The following OGG1 variants were observed in gnomAD, a reference collection of about 807,000 sequenced individuals.
The protein encoded by OGG1 is 8-oxoguanine DNA glycosylase.
OGG1 carries 35 observed loss-of-function variants against 42.3 expected under a neutral mutation model. The ratio of observed to expected loss-of-function variants is 0.83; its 90% CI spans 0.63 to 1.10. OGG1 has a LOEUF of 1.10. Among genes scored for constraint, OGG1 ranks in the 50% least tolerant of loss-of-function variants. OGG1 has a pLI of 0.00. For missense variants in OGG1, 484 were observed against 446.7 expected (o/e 1.08, Z -0.75); for synonymous variants, 189 against 179.0 (o/e 1.06, Z -0.44).
At chr3:9,760,086 CA>C, downstream of OGG1, 14 of 220,290 alleles carry the variant, frequency 6.4e-5, no homozygotes, top group South Asian at 2.0e-4. Context: ...ACTAAAAATA[CA>C]AAAAAAATTA....
At chr3:9,783,858 G>A in intron 3 of OGG1, 1 of 1,207,300 alleles carries the variant, frequency 8.3e-7, no homozygotes, top group South Asian at 1.8e-5. Context: ...ATCAGAATTT[G>A]TTTGGGACAT....
intron 3 of OGG1, among the ~76,000 whole-genome samples, chr3:9,782,807 G>C (rs919847138): frequency 1.6e-5 from 2 of 127,910 alleles, no homozygotes; most frequent in Non-Finnish European, 3.5e-5. Context: ...AAAAAAAAAA[G>C]GCCAAATGAA....
downstream of OGG1, chr3:9,789,876 C>T (rs1375665265): frequency 2.5e-5 from 40 of 1,614,216 alleles, no homozygotes; most frequent in Non-Finnish European, 3.3e-5. Flanking sequence ...TTGGGCTTCC[C>T]ATGTTTGGGG....
intron 3 of OGG1, among the ~76,000 whole-genome samples, chr3:9,752,393 T>A (rs1317701093): frequency 2.0e-5 from 3 of 152,100 alleles, no homozygotes; most frequent in African/African-American, 7.2e-5. Flanking sequence ...ATATACATAC[T>A]GCACCTAGCA....
At chr3:9,767,856 A>C, downstream of OGG1, 1 of 1,516,244 alleles carries the variant, frequency 6.6e-7, no homozygotes, top group Non-Finnish European at 8.8e-7. Context: ...GGCCCCATTC[A>C]GTCATTCAAC....
chr3:9,751,783 G>A lies in OGG1; in HGVS notation c.399G>A (p.Leu133=). ...TCTGGTCTCCAGGTGTGCGACTGCTGCGACAAGACCCCATCGAATGCCTTT... is the reference window on the plus strand; with the variant it reads ...TCTGGTCTCCAGGTGTGCGACTGCTACGACAAGACCCCATCGAATGCCTTT... The part of the protein sequence containing the change: ...VAQKFQGVRL[L]RQDPIECLFS... Residue 133 remains leucine (L), a synonymous_variant, in exon 3 of 7, where the codon CTG becomes CTA. Transcript: ENST00000344629. 1 of 1,614,198 alleles carries A rather than the reference G, an allele frequency of 6.2e-7. No individual in the cohort carries two copies. Among genetic ancestry groups the A allele is most frequent in the Non-Finnish European group, 8.5e-7 (1 of 1,180,040 alleles).
chr3:9,754,068 A>T (rs55841843), intron 3 of OGG1, among the ~76,000 whole-genome samples: 7,228 of 152,222 alleles, frequency 0.047, 250 homozygotes, highest in East Asian at 0.075. Context: ...GAGCCTTAGG[A>T]GGTCAAGGCT....
chr3:9,761,483 T>G, downstream of OGG1: 2 of 1,613,146 alleles, frequency 1.2e-6, no homozygotes, highest in Non-Finnish European at 1.7e-6. Flanking sequence ...ATGACACCTA[T>G]GGACCAGCAA....
At chr3:9,784,310 C>A (rs2078553243) in intron 3 of OGG1, 9 of 1,454,332 alleles carry the variant, frequency 6.2e-6, no homozygotes, top group African/African-American at 1.4e-5. Flanking sequence ...TGAAAACCTG[C>A]CTTTCCCTTT....
intron 7 of OGG1, chr3:9,762,900 C>A (rs1194192517): frequency 3.1e-6 from 5 of 1,613,704 alleles, no homozygotes; most frequent in Non-Finnish European, 4.2e-6. Flanking sequence ...TCACCACACC[C>A]CCTTGAGCCC....
At chr3:9,785,280 G>A (rs753720036) in intron 3 of OGG1, 30 of 1,531,400 alleles carry the variant, frequency 2.0e-5, no homozygotes, top group African/African-American at 5.5e-5. Context: ...CAGAAGCGGG[G>A]GCCAGACTGT....
intron 2 of OGG1, 24 bp from the exon 3 acceptor site, chr3:9,751,746 A>C: frequency 6.2e-7 from 1 of 1,612,058 alleles, no homozygotes; most frequent in Non-Finnish European, 8.5e-7. Context: ...TACCTCTCCT[A>C]CCCCCTGCAT....
In OGG1 at chr3:9,756,831, G is replaced by A. The variant is rs754262446; in HGVS notation, c.948+15G>A. 1.2e-6 allele frequency: 2 copies of A among 1,613,572 alleles called. No individual in the cohort carries two copies. Among genetic ancestry groups the A allele is most frequent in the South Asian group, 2.2e-5 (2 of 91,054 alleles). On this transcript the variant is annotated intron_variant, in intron 6 of 6. Coordinates refer to ENST00000344629, the MANE Select transcript of OGG1 (RefSeq NM_002542.6). ...GGGCCCAAGCGGTGAGTGTACCTAG[G>A]TGTCCTCCCTAGGTTTCCTCTCCTC...
intron 3 of OGG1, 129 bp from the exon 4 acceptor site, chr3:9,754,575 T>C (rs1171567636): frequency 2.1e-6 from 2 of 944,856 alleles, no homozygotes; most frequent in Non-Finnish European, 3.3e-6. Context: ...CACTATCCCA[T>C]AGAGGGTGGG....
downstream of OGG1, chr3:9,788,250 C>T (rs911353149): frequency 2.6e-5 from 4 of 154,030 alleles, no homozygotes; most frequent in Admixed American, 2.5e-4. Flanking sequence ...AGTTTTATAT[C>T]TTCTTTTTTT....
chr3:9,781,556 A>C (rs1342280963), exon 3 of OGG1: 1 of 456,726 alleles, frequency 2.2e-6, no homozygotes, highest in Non-Finnish European at 4.4e-6. Flanking sequence ...CGGCATCTGC[A>C]TTCCAGAGCC....
chr3:9,784,778 C>T (rs570164342), intron 3 of OGG1, among the ~76,000 whole-genome samples: 7 of 151,698 alleles, frequency 4.6e-5, no homozygotes, highest in Admixed American at 4.6e-4. Context: ...GCAGGAGAAT[C>T]GCTTGAACCT....
chr3:9,784,796 G>A (rs943003475), intron 3 of OGG1, among the ~76,000 whole-genome samples: 2 of 151,688 alleles, frequency 1.3e-5, no homozygotes, highest in East Asian at 1.9e-4. Flanking sequence ...CCTGGGAGGC[G>A]GAGGTTGCAG....
intron 2 of OGG1, among the ~76,000 whole-genome samples, chr3:9,772,815 C>T (rs1208009673): frequency 3.9e-5 from 6 of 152,312 alleles, no homozygotes; most frequent in Admixed American, 3.9e-4. Flanking sequence ...GCAAGAATAA[C>T]ACAACACTCT....
Sources: allele counts gnomAD v4.1 joint callset (sites outside exome capture counted in the v4.1 genomes callset), GRCh38; gene constraint gnomAD v4.1.1; transcripts MANE v1.5; gene names NCBI Gene and HGNC (gene_info 2026-07-23, HGNC 2026-07-21).